Variants in PDZD2 observed in about 807,000 individuals in gnomAD.
The protein encoded by PDZD2 is PDZ domain-containing protein 2.
Under a neutral mutation model 220.7 loss-of-function variants are expected in PDZD2, and 90 were observed. The observed-to-expected ratio is 0.41, with a 90% CI of 0.34 to 0.49. The LOEUF is 0.49. Ranked by LOEUF, PDZD2 falls within the 20% of genes least tolerant of loss-of-function variation. PDZD2 has a pLI of 0.28. For synonymous variants in PDZD2, 1,375 were observed against 1,450.5 expected (o/e 0.95, Z 1.18); for missense variants, 3,174 against 3,608.5 (o/e 0.88, Z 3.08).
At chr5:31,678,638 C>T (rs72753590) in intron 1 of PDZD2, among the ~76,000 whole-genome samples, 25,374 of 152,066 alleles carry the variant, frequency 0.17, 2,232 homozygotes, top group Middle Eastern at 0.22. Flanking sequence ...ATTTATGAGA[C>T]AGGGTTTCTC....
intron 2 of PDZD2, among the ~76,000 whole-genome samples, chr5:31,898,678 A>C (rs1741795597): frequency 6.6e-6 from 1 of 152,074 alleles, no homozygotes; most frequent in African/African-American, 2.4e-5. Flanking sequence ...GAGCTTCCTG[A>C]GCCAACCCTT....
intron 14 of PDZD2, among the ~76,000 whole-genome samples, chr5:32,067,574 A>G (rs1008374663): frequency 6.6e-6 from 1 of 152,200 alleles, no homozygotes; most frequent in East Asian, 1.9e-4. Context: ...ATAATGCTGA[A>G]TTCTATATAG....
At chr5:31,881,326 ATGTGTGTGTGTGTGTGTGTGTGTG>A (rs67969355) in intron 2 of PDZD2, among the ~76,000 whole-genome samples, 15 of 123,226 alleles carry the variant, frequency 1.2e-4, no homozygotes, top group African/African-American at 2.5e-4. Context: ...TTCCATATAT[ATGTGTGTGTGTGTGTGTGTGTGTG>A]TGTGTGTGTG....
At chr5:31,960,067 A>T (rs557477097) in intron 2 of PDZD2, among the ~76,000 whole-genome samples, 1 of 152,170 alleles carries the variant, frequency 6.6e-6, no homozygotes, top group East Asian at 1.9e-4. Flanking sequence ...TTAACTAATT[A>T]TATCTTCAAA....
At chr5:31,964,964 C>T (rs1232321711) in intron 2 of PDZD2, among the ~76,000 whole-genome samples, 1 of 152,118 alleles carries the variant, frequency 6.6e-6, no homozygotes, top group East Asian at 1.9e-4. Context: ...CCTCGTGATC[C>T]GCCCACCTCC....
At chr5:31,877,356 C>G in intron 2 of PDZD2, among the ~76,000 whole-genome samples, 1 of 152,080 alleles carries the variant, frequency 6.6e-6, no homozygotes, top group Non-Finnish European at 1.5e-5. Flanking sequence ...GCTGGGACCA[C>G]AGGTGCATAC....
intron 7 of PDZD2, among the ~76,000 whole-genome samples, chr5:32,040,968 T>C (rs538726049): frequency 0.044 from 4,949 of 113,294 alleles, 386 homozygotes; most frequent in African/African-American, 0.16. Context: ...CGCCTCTGCC[T>C]GGCCACCCCG....
At chr5:32,060,397 A>G (rs1346358722) in intron 13 of PDZD2, among the ~76,000 whole-genome samples, 1 of 152,158 alleles carries the variant, frequency 6.6e-6, no homozygotes, top group Non-Finnish European at 1.5e-5. Flanking sequence ...AAAATGGGCA[A>G]CTTGTCCCCA....
At chr5:31,660,938 TGTCCA>T (rs2150111728) in intron 1 of PDZD2, among the ~76,000 whole-genome samples, 1 of 152,314 alleles carries the variant, frequency 6.6e-6, no homozygotes, top group African/African-American at 2.4e-5. Flanking sequence ...CTTGCTATAT[TGTCCA>T]GCCTGGTCTT....
At chr5:31,756,609 A>G (rs2150182765) in intron 1 of PDZD2, among the ~76,000 whole-genome samples, 1 of 152,298 alleles carries the variant, frequency 6.6e-6, no homozygotes, top group South Asian at 2.1e-4. Flanking sequence ...AATGGATTAT[A>G]GGATCCTGGG....
intron 2 of PDZD2, among the ~76,000 whole-genome samples, chr5:31,876,595 A>G (rs529256877): frequency 1.3e-5 from 2 of 152,188 alleles, no homozygotes; most frequent in African/African-American, 4.8e-5. Context: ...CCTGGCCTGA[A>G]TTTGGGTTTT....
intron 21 of PDZD2, among the ~76,000 whole-genome samples, chr5:32,093,351 C>T (rs1052464423): frequency 4.6e-5 from 7 of 152,134 alleles, no homozygotes; most frequent in East Asian, 1.9e-4. Flanking sequence ...CTAGTCATCT[C>T]GGAAATACCT....
intron 2 of PDZD2, among the ~76,000 whole-genome samples, chr5:31,829,614 G>A (rs1367416231): frequency 6.6e-6 from 1 of 151,912 alleles, no homozygotes; most frequent in Non-Finnish European, 1.5e-5. Flanking sequence ...ACCACACCCA[G>A]CCCAGCTTAG....
At chr5:31,691,531 C>A (rs1409410425) in intron 1 of PDZD2, among the ~76,000 whole-genome samples, 1 of 149,678 alleles carries the variant, frequency 6.7e-6, no homozygotes, top group Admixed American at 6.6e-5. Context: ...TCTTATCTGG[C>A]GCCACCTGCT....
At chr5:31,903,094 A>T (rs1742249661) in intron 2 of PDZD2, among the ~76,000 whole-genome samples, 2 of 151,900 alleles carry the variant, frequency 1.3e-5, no homozygotes, top group South Asian at 4.1e-4. Context: ...CAGGAGTTCG[A>T]GACCAGCCTG....
At chr5:31,890,708 C>G (rs1740952251) in intron 2 of PDZD2, among the ~76,000 whole-genome samples, 2 of 152,174 alleles carry the variant, frequency 1.3e-5, no homozygotes, top group Admixed American at 6.6e-5. Flanking sequence ...ATCAAACAGG[C>G]TTAATGAGTG....
intron 2 of PDZD2, among the ~76,000 whole-genome samples, chr5:31,860,602 G>C (rs1324018205): frequency 6.6e-6 from 1 of 152,090 alleles, no homozygotes; most frequent in Non-Finnish European, 1.5e-5. Context: ...TTCTCCTTCT[G>C]TTGCAGGTGC....
At chr5:32,084,798 A>G (rs1325689386) in intron 19 of PDZD2, among the ~76,000 whole-genome samples, 8 of 152,028 alleles carry the variant, frequency 5.3e-5, no homozygotes, top group African/African-American at 1.9e-4. Flanking sequence ...AAGACTATGC[A>G]GGGCCTTATG....
At chr5:32,003,969 C>T (rs909230707) in intron 5 of PDZD2, among the ~76,000 whole-genome samples, 2 of 152,150 alleles carry the variant, frequency 1.3e-5, no homozygotes, top group African/African-American at 4.8e-5. Context: ...ACCTTGGCCT[C>T]CCAAAGTGCT....
Sources: allele counts gnomAD v4.1 joint callset (sites outside exome capture counted in the v4.1 genomes callset), GRCh38; gene constraint gnomAD v4.1.1; transcripts MANE v1.5; gene names NCBI Gene and HGNC (gene_info 2026-07-23, HGNC 2026-07-21).